The following CAMTA1 variants were observed in gnomAD, a reference collection of about 807,000 sequenced individuals.
CAMTA1 encodes calmodulin binding transcription activator 1.
Under a neutral mutation model 170.9 loss-of-function variants are expected in CAMTA1, and 27 were observed. The observed-to-expected ratio is 0.16, with a 90% CI of 0.12 to 0.22. The LOEUF (loss-of-function observed/expected upper bound fraction) is 0.22. CAMTA1 is among the 10% of genes least tolerant of loss of function. The pLI is 1.00. For missense variants in CAMTA1, 1,619 were observed against 2,217.2 expected (o/e 0.73, Z 5.42); for synonymous variants, 833 against 891.5 (o/e 0.93, Z 1.17).
intron 6 of CAMTA1, among the ~76,000 whole-genome samples, chr1:7,525,490 C>T (rs1293771485): frequency 6.6e-6 from 1 of 152,028 alleles, no homozygotes; most frequent in Non-Finnish European, 1.5e-5. Flanking sequence ...ATGCAAATCT[C>T]TTCAATAATA....
intron 3 of CAMTA1, among the ~76,000 whole-genome samples, chr1:6,902,073 A>AG (rs772368106): frequency 1.3e-5 from 1 of 78,460 alleles, no homozygotes; most frequent in African/African-American, 3.9e-5. Context: ...ACACACACAC[A>AG]AAAAAAAAAA....
At position 7,561,882 on chromosome 1, in the gene CAMTA1, G is replaced by A. The variant is rs111757038; in HGVS notation, c.511-78518G>A. ...CGGCCTGGAGGAGGAAGCCATCCTC[G>A]AGGCAGCCTTCACCAGCATGTGTCA... is the stretch of plus-strand genomic sequence containing the variant. On this transcript the variant is annotated intron_variant, in intron 6 of 22. Coordinates refer to ENST00000303635, the MANE Select transcript of CAMTA1 (RefSeq NM_015215.4). The surrounding 1 kb of genome is among the most constrained non-coding windows in gnomAD (Gnocchi z 5.3). Among the ~76,000 whole-genome samples the A allele has an allele frequency of 0.014, 2,169 of 152,228 alleles. 36 individuals are homozygous for A. Among genetic ancestry groups the A allele is most frequent in the African/African-American group, 0.044 (1,807 of 41,522 alleles).
At chr1:7,304,413 T>C (rs1675270179) in intron 5 of CAMTA1, among the ~76,000 whole-genome samples, 1 of 152,224 alleles carries the variant, frequency 6.6e-6, no homozygotes, top group Non-Finnish European at 1.5e-5. Flanking sequence ...CATTTTACAC[T>C]TATGTGACTA....
intron 5 of CAMTA1, among the ~76,000 whole-genome samples, chr1:7,262,480 A>G (rs1668320272): frequency 6.6e-6 from 1 of 152,178 alleles, no homozygotes; most frequent in Admixed American, 6.5e-5. Flanking sequence ...GAAAATTGCT[A>G]GAACCCAGGA....
At chr1:6,960,043 TTAAA>T (rs1176088646) in intron 3 of CAMTA1, among the ~76,000 whole-genome samples, 14 of 152,198 alleles carry the variant, frequency 9.2e-5, no homozygotes, top group Admixed American at 7.9e-4. Flanking sequence ...GCATGAGAAA[TTAAA>T]TAACCAGTCC....
chr1:7,631,919 G>A (rs1045006761), intron 6 of CAMTA1, among the ~76,000 whole-genome samples: 1 of 152,174 alleles, frequency 6.6e-6, no homozygotes, highest in African/African-American at 2.4e-5. Flanking sequence ...GAGGACAGGG[G>A]CCCAGCTACC....
intron 3 of CAMTA1, among the ~76,000 whole-genome samples, chr1:6,828,259 TGTGA>T (rs1425351266): frequency 6.6e-6 from 1 of 151,620 alleles, no homozygotes; most frequent in Non-Finnish European, 1.5e-5. Context: ...CTGTGTGTGT[TGTGA>T]GTGAGATTGT....
chr1:7,389,698 G>C (rs142984569), intron 5 of CAMTA1: 1 of 152,588 alleles, frequency 6.6e-6, no homozygotes. Context: ...TGAAAATCTT[G>C]CTTCTCTAGG....
chr1:7,012,621 T>A (rs1699965057), intron 3 of CAMTA1, among the ~76,000 whole-genome samples: 1 of 152,212 alleles, frequency 6.6e-6, no homozygotes, highest in South Asian at 2.1e-4. Context: ...CGCCCTTGCC[T>A]GTCGGCAGCC....
At chr1:6,960,299 A>G (rs867750326) in intron 3 of CAMTA1, among the ~76,000 whole-genome samples, 1 of 152,126 alleles carries the variant, frequency 6.6e-6, no homozygotes, top group Middle Eastern at 3.2e-3. Flanking sequence ...AGGGGGCCAG[A>G]TGGAGGGAAA....
chr1:7,043,585 C>T (rs1029582421), intron 3 of CAMTA1, among the ~76,000 whole-genome samples: 2 of 152,178 alleles, frequency 1.3e-5, no homozygotes, highest in Non-Finnish European at 2.9e-5. Flanking sequence ...AGAATGGCTT[C>T]GACTCTTTCT....
intron 4 of CAMTA1, among the ~76,000 whole-genome samples, chr1:7,137,652 A>G (rs1416181234): frequency 6.6e-6 from 1 of 151,828 alleles, no homozygotes; most frequent in African/African-American, 2.4e-5. Flanking sequence ...TGAACCCTGC[A>G]CTCCTGCCTC....
intron 5 of CAMTA1, among the ~76,000 whole-genome samples, chr1:7,459,601 C>G (rs1472608316): frequency 6.6e-6 from 1 of 152,186 alleles, no homozygotes. Context: ...TGGACATCAG[C>G]GTAGCACACT....
At chr1:6,984,866 A>C (rs777803856) in intron 3 of CAMTA1, among the ~76,000 whole-genome samples, 7 of 152,170 alleles carry the variant, frequency 4.6e-5, no homozygotes, top group Non-Finnish European at 7.4e-5. Context: ...TCCAATGCCA[A>C]ATTCCTGGGG....
chr1:7,030,417 G>C (rs998897846), intron 3 of CAMTA1, among the ~76,000 whole-genome samples: 1 of 152,056 alleles, frequency 6.6e-6, no homozygotes, highest in African/African-American at 2.4e-5. Context: ...CCCCAAAATG[G>C]CTTTGTTATT....
At chr1:7,262,599 G>A (rs957171956) in intron 5 of CAMTA1, among the ~76,000 whole-genome samples, 2 of 152,190 alleles carry the variant, frequency 1.3e-5, no homozygotes, top group Non-Finnish European at 2.9e-5. Flanking sequence ...CACCTAAAAG[G>A]TGGGCAGAAC....
intron 6 of CAMTA1, among the ~76,000 whole-genome samples, chr1:7,484,204 G>C (rs35863028): frequency 0.015 from 2,238 of 152,260 alleles, 56 homozygotes; most frequent in African/African-American, 0.051. Context: ...CTGGCACAGA[G>C]GGGGGCCCAC....
intron 4 of CAMTA1, among the ~76,000 whole-genome samples, chr1:7,221,590 G>T (rs1660779763): frequency 6.6e-6 from 1 of 152,038 alleles, no homozygotes; most frequent in South Asian, 2.1e-4. Context: ...AATGCGTCGT[G>T]AAACACCTCT....
rs149376524 is a variant in CAMTA1 at position 7,567,022 on chromosome 1, A to G, written c.511-73378A>G. Among the ~76,000 whole-genome samples the G allele has an allele frequency of 3.9e-5, 6 of 152,330 alleles. No individual in the cohort carries two copies. In the East Asian group the frequency reaches 9.7e-4, roughly 25 times the overall value. ...GTCCCACCCTGGGTCAGGGTCTGGGATGGAGGAGGCTCAGAGCAGACAGCT... is the reference window on the plus strand; with the variant it reads ...GTCCCACCCTGGGTCAGGGTCTGGGGTGGAGGAGGCTCAGAGCAGACAGCT... On this transcript the variant is annotated intron_variant, in intron 6 of 22. Transcript: ENST00000303635.
Sources: allele counts gnomAD v4.1 joint callset (sites outside exome capture counted in the v4.1 genomes callset), GRCh38; gene constraint gnomAD v4.1.1; non-coding constraint Gnocchi (gnomAD v3.1); transcripts MANE v1.5; gene names NCBI Gene and HGNC (gene_info 2026-07-23, HGNC 2026-07-21).